GLIS3: variants seen among roughly 807,000 people sequenced by gnomAD.
The protein encoded by GLIS3 is GLIS family zinc finger 3.
GLIS3 carries 53 observed loss-of-function variants against 78.6 expected under a neutral mutation model. That is an observed-to-expected ratio of 0.67 (90% CI 0.54 to 0.85). The LOEUF is 0.85. GLIS3 is among the 40% of genes least tolerant of loss of function. GLIS3 has a pLI of 0.00. For missense variants in GLIS3, 1,703 were observed against 1,231.1 expected (o/e 1.38, Z -5.74); for synonymous variants, 684 against 509.9 (o/e 1.34, Z -4.60).
At chr9:3,910,814 C>T (rs1588207838) in intron 6 of GLIS3, among the ~76,000 whole-genome samples, 1 of 152,176 alleles carries the variant, frequency 6.6e-6, no homozygotes, top group East Asian at 1.9e-4. Context: ...TCAGATAAGA[C>T]AGAGAAAGCA....
At chr9:4,119,598 T>C (rs935342344) in intron 3 of GLIS3, among the ~76,000 whole-genome samples, 26 of 152,308 alleles carry the variant, frequency 1.7e-4, no homozygotes, top group African/African-American at 6.0e-4. Context: ...AATTATGCAT[T>C]AGAGCCATTC....
chr9:4,225,679 G>A (rs546554650), intron 2 of GLIS3, among the ~76,000 whole-genome samples: 9 of 152,218 alleles, frequency 5.9e-5, no homozygotes, highest in African/African-American at 2.2e-4. Flanking sequence ...CACATCTAAG[G>A]GAAAGAATCA....
chr9:4,015,650 G>C (rs950084421), intron 4 of GLIS3, among the ~76,000 whole-genome samples: 1 of 152,140 alleles, frequency 6.6e-6, no homozygotes, highest in Non-Finnish European at 1.5e-5. Flanking sequence ...CACTTTGGGA[G>C]GCTGTGGCAG....
intron 9 of GLIS3, among the ~76,000 whole-genome samples, chr9:3,836,224 A>G (rs562107928): frequency 9.2e-5 from 14 of 152,330 alleles, no homozygotes; most frequent in East Asian, 3.9e-4. Context: ...GAATAAGCAG[A>G]TATCAGCGGC....
chr9:3,835,512 A>T (rs1818295579), intron 9 of GLIS3, among the ~76,000 whole-genome samples: 1 of 152,230 alleles, frequency 6.6e-6, no homozygotes, highest in African/African-American at 2.4e-5. Context: ...TCAGGGATCC[A>T]GGCTAAGTGC....
chr9:4,024,471 T>C (rs1282972403), intron 4 of GLIS3, among the ~76,000 whole-genome samples: 1 of 152,168 alleles, frequency 6.6e-6, no homozygotes, highest in Non-Finnish European at 1.5e-5. Context: ...CAGACACAGA[T>C]GGGGCTGCTC....
At chr9:4,247,052 G>T (rs566083188) in intron 2 of GLIS3, among the ~76,000 whole-genome samples, 1 of 152,168 alleles carries the variant, frequency 6.6e-6, no homozygotes, top group African/African-American at 2.4e-5. Context: ...AAACCACTCT[G>T]GGTTTTAAAA....
At chr9:4,216,066 C>T (rs1314653100) in intron 2 of GLIS3, among the ~76,000 whole-genome samples, 1 of 152,034 alleles carries the variant, frequency 6.6e-6, no homozygotes, top group Non-Finnish European at 1.5e-5. Flanking sequence ...AAATTGACTA[C>T]ATATACTCAG....
the GLIS3 span, among the ~76,000 whole-genome samples, chr9:4,465,933 T>G: frequency 1.3e-5 from 2 of 152,064 alleles, no homozygotes; most frequent in African/African-American, 2.4e-5. Context: ...GATTTGAGAG[T>G]AAAAGATCAC....
chr9:4,383,094 G>A, the GLIS3 span, among the ~76,000 whole-genome samples: 3 of 152,204 alleles, frequency 2.0e-5, no homozygotes, highest in Non-Finnish European at 2.9e-5. Context: ...GAAAGGAAAT[G>A]ATGCCATGAC....
At chr9:3,866,205 C>G (rs997664976) in intron 8 of GLIS3, among the ~76,000 whole-genome samples, 1 of 152,230 alleles carries the variant, frequency 6.6e-6, no homozygotes, top group African/African-American at 2.4e-5. Context: ...AGGTAGCCAT[C>G]AACCTGACAT....
At chr9:4,366,436 G>A in the GLIS3 span, among the ~76,000 whole-genome samples, 5 of 152,132 alleles carry the variant, frequency 3.3e-5, no homozygotes, top group African/African-American at 7.2e-5. Flanking sequence ...CCCACACCAT[G>A]CCAAATAATT....
At chr9:3,943,477 T>C (rs1454566342) in intron 4 of GLIS3, among the ~76,000 whole-genome samples, 2 of 152,242 alleles carry the variant, frequency 1.3e-5, no homozygotes, top group East Asian at 3.8e-4. Context: ...GTGTTTCCTT[T>C]TGGTTTGCTA....
At chr9:4,184,667 C>T (rs1817613367) in intron 2 of GLIS3, among the ~76,000 whole-genome samples, 1 of 152,198 alleles carries the variant, frequency 6.6e-6, no homozygotes, top group South Asian at 2.1e-4. Context: ...ACTGGGGGAA[C>T]CCCTGGTTGG....
chr9:3,860,672 T>C (rs981279209), intron 8 of GLIS3, among the ~76,000 whole-genome samples: 3 of 152,200 alleles, frequency 2.0e-5, no homozygotes, highest in Admixed American at 1.3e-4. Context: ...GCTTGGATGC[T>C]GGGTCTGTCT....
the GLIS3 span, among the ~76,000 whole-genome samples, chr9:4,443,196 T>C: frequency 1.3e-5 from 2 of 152,186 alleles, no homozygotes; most frequent in Non-Finnish European, 2.9e-5. Flanking sequence ...CTGTTTCTAG[T>C]AACAAGCTAC....
chr9:3,879,321 A>AC, intron 8 of GLIS3, 106 bp downstream of exon 8: 1 of 1,105,894 alleles, frequency 9.0e-7, no homozygotes, highest in East Asian at 2.4e-5. Flanking sequence ...GGGTAACTCA[A>AC]CCCACCAACG....
At position 4,095,878 on chromosome 9, in the gene GLIS3, A is replaced by G. The variant is rs1829897967; in HGVS notation, c.1710+21890T>C. 2.6e-5 allele frequency among the ~76,000 whole-genome samples: 4 copies of G among 152,206 alleles called. No individual in the cohort carries two copies. The South Asian group carries it at 8.3e-4, about 32-fold the overall frequency. On this transcript the variant is annotated intron_variant, in intron 4 of 10. Transcript: ENST00000381971. Reference sequence around the variant, plus strand: ...TCTTTTTACAGGCTAGGAAACTGACATTCAGAGAAGTTGCTGTCCTGGTTT... The same window carrying G: ...TCTTTTTACAGGCTAGGAAACTGACGTTCAGAGAAGTTGCTGTCCTGGTTT...
At chr9:4,053,723 A>AAAAAAAAAAAAAAAAAAAAAAAAAC in intron 4 of GLIS3, among the ~76,000 whole-genome samples, 1 of 151,008 alleles carries the variant, frequency 6.6e-6, no homozygotes, top group African/African-American at 2.4e-5. Context: ...AAAAAAAAAA[A>AAAAAAAAAAAAAAAAAAAAAAAAAC]TTCTGGATAG....
Sources: allele counts gnomAD v4.1 joint callset (sites outside exome capture counted in the v4.1 genomes callset), GRCh38; gene constraint gnomAD v4.1.1; transcripts MANE v1.5; gene names NCBI Gene and HGNC (gene_info 2026-07-23, HGNC 2026-07-21).